The following CADPS variants were observed in gnomAD, a reference collection of about 807,000 sequenced individuals.
The protein encoded by CADPS is calcium dependent secretion activator, also known as calcium-dependent secretion activator 1.
CADPS carries 57 observed loss-of-function variants against 167.3 expected under a neutral mutation model. That is an observed-to-expected ratio of 0.34 (90% confidence interval 0.28 to 0.42). CADPS has a LOEUF of 0.42. Ranked by LOEUF, CADPS falls within the 20% of genes least tolerant of loss-of-function variation. The probability of loss-of-function intolerance (pLI) is 1.00; values close to 1 mark genes in which losing one functional copy is unlikely to be tolerated. For missense variants in CADPS, 1,414 were observed against 1,738.1 expected, an observed-to-expected ratio of 0.81 and a Z score of 3.32; for synonymous variants, 676 against 635.3, an observed-to-expected ratio of 1.06 and a Z score of -0.96.
intron 17 of CADPS, 33 bp from the exon 18 acceptor site, chr3:62,499,301 G>C: frequency 7.2e-7 from 1 of 1,394,266 alleles, no homozygotes; most frequent in East Asian, 2.3e-5. Context: ...AAAATTCAGC[G>C]AAAGTGGCAG....
At chr3:62,641,111 T>C (rs2067320877) in intron 6 of CADPS, among the ~76,000 whole-genome samples, 1 of 152,216 alleles carries the variant, frequency 6.6e-6, no homozygotes, top group Admixed American at 6.5e-5. Flanking sequence ...AATGTATTTC[T>C]TTAAAAAGGA....
At chr3:62,849,956 C>T (rs1172143070) in intron 1 of CADPS, among the ~76,000 whole-genome samples, 1 of 121,052 alleles carries the variant, frequency 8.3e-6, no homozygotes, top group Non-Finnish European at 1.8e-5. Flanking sequence ...AATTTCAGCT[C>T]CTGTTATTGG....
chr3:62,797,538 A>G (rs1008890271), intron 1 of CADPS, among the ~76,000 whole-genome samples: 1 of 152,202 alleles, frequency 6.6e-6, no homozygotes, highest in African/African-American at 2.4e-5. Flanking sequence ...GCTGGAGGCC[A>G]TTAGCCTTAG....
In CADPS at chr3:62,583,155, G is replaced by GTCTCTCTCTCTC. The variant is rs61474581; in HGVS notation, c.1577+2018_1577+2029dup. Among the ~76,000 whole-genome samples the GTCTCTCTCTCTC allele has an allele frequency of 8.3e-3, 1,228 of 147,262 alleles. 18 individuals are homozygous for GTCTCTCTCTCTC. Among genetic ancestry groups the GTCTCTCTCTCTC allele is most frequent in the South Asian group, 0.028 (128 of 4,546 alleles). On this transcript the variant is annotated intron_variant, in intron 8 of 29. Transcript: ENST00000383710. The stretch of plus-strand genomic sequence containing the variant: ...CTCTTTGATCTGCCCTACCCTCTTT[G>GTCTCTCTCTCTC]TCTCTCTCTCTCTCTCTCTCTCTCT...
intron 3 of CADPS, among the ~76,000 whole-genome samples, chr3:62,715,016 G>A (rs2084166496): frequency 6.6e-6 from 1 of 152,110 alleles, no homozygotes; most frequent in Non-Finnish European, 1.5e-5. Flanking sequence ...ATTTGTTATA[G>A]GCATCATAAC....
intron 1 of CADPS, among the ~76,000 whole-genome samples, chr3:62,819,292 C>A (rs1000675129): frequency 1.3e-5 from 2 of 152,032 alleles, no homozygotes; most frequent in Admixed American, 6.6e-5. Context: ...ATTAAAAAAA[C>A]ACTGCAAAAT....
Position 62,412,268 on chromosome 3 carries a change from C to T in CADPS, c.3778-9083G>A, listed in dbSNP as rs17066381. Among the ~76,000 whole-genome samples the T allele has an allele frequency of 0.031, 4,662 of 151,364 alleles. 103 individuals are homozygous for T. The highest frequency in any genetic ancestry group is 0.051 in the Middle Eastern group (15 of 292). The stretch of plus-strand genomic sequence containing the variant: ...GGATGGCCGGGTCCTAAAGTTTGGA[C>T]GGCAGCTCCCTGAGGACTCACTGAC... On this transcript the variant is annotated intron_variant, in intron 28 of 29. Transcript: ENST00000383710. The surrounding 1 kb of genome is among the most constrained non-coding windows in gnomAD (Gnocchi z 4.1).
chr3:62,716,513 G>C (rs915815993), intron 3 of CADPS, among the ~76,000 whole-genome samples: 4 of 152,204 alleles, frequency 2.6e-5, no homozygotes, highest in African/African-American at 9.7e-5. Flanking sequence ...CATATCATTT[G>C]CTTGCTACAT....
rs1271774280 is a variant in CADPS, at chr3:62,512,743, T to G, written c.2599+8A>C. Reference sequence around the variant, plus strand: ...TGATAATTTATAATGCATATACAATTGGTTCACCTGCATCCTTTTGATTCT... The same window carrying G: ...TGATAATTTATAATGCATATACAATGGGTTCACCTGCATCCTTTTGATTCT... On this transcript the variant is annotated splice_region_variant and intron_variant, in intron 17 of 29. Coordinates refer to ENST00000383710, the MANE Select transcript of CADPS (RefSeq NM_003716.4). 1 of 1,603,736 alleles carries G rather than the reference T, an allele frequency of 6.2e-7. No individual in the cohort carries two copies. Among genetic ancestry groups the G allele is most frequent in the Admixed American group, 1.7e-5 (1 of 59,496 alleles).
intron 1 of CADPS, among the ~76,000 whole-genome samples, chr3:62,784,944 T>C (rs959993705): frequency 6.6e-6 from 1 of 152,176 alleles, no homozygotes; most frequent in Non-Finnish European, 1.5e-5. Context: ...AAAGAGTTAC[T>C]GTTAGGGTTT....
In CADPS at chr3:62,822,292, G is replaced by A. The variant is rs1262153373; in HGVS notation, c.441+52297C>T. 5.3e-5 allele frequency among the ~76,000 whole-genome samples: 8 copies of A among 152,224 alleles called. 2 individuals carry two copies. Among genetic ancestry groups the A allele is most frequent in the Admixed American group, 5.2e-4 (8 of 15,286 alleles). The stretch of plus-strand genomic sequence containing the variant: ...TAATTCTGCCTACCACATCACCCTT[G>A]ATCTTTTTCACCTTCCCTCAAATGC... On this transcript the variant is annotated intron_variant, in intron 1 of 29. Transcript: ENST00000383710.
At chr3:62,439,956 C>T (rs889370880) in intron 27 of CADPS, 5 of 152,218 alleles carry the variant, frequency 3.3e-5, no homozygotes, top group African/African-American at 1.2e-4. Context: ...TGTGGTTCAT[C>T]TTACCCATGT....
rs535505763 is a variant in CADPS at position 62,529,016 on chromosome 3, C to T, written c.2291+3855G>A. ...TCTACTAAAAATACAAAAAAATTAG[C>T]GGGGCGTGGTGGCAGTCACCTGTAA... On this transcript the variant is annotated intron_variant, in intron 13 of 29. Coordinates refer to ENST00000383710, the MANE Select transcript of CADPS (RefSeq NM_003716.4). Among the ~76,000 whole-genome samples the T allele has an allele frequency of 4.9e-4, 74 of 152,024 alleles. 1 individual carries two copies. The highest frequency in any genetic ancestry group is 6.8e-4 in the Non-Finnish European group (46 of 67,984).
At chr3:62,435,112 C>A (rs1357365933) in intron 28 of CADPS, among the ~76,000 whole-genome samples, 1 of 152,148 alleles carries the variant, frequency 6.6e-6, no homozygotes, top group African/African-American at 2.4e-5. Flanking sequence ...TATCAAAATG[C>A]AACGATTTGG....
chr3:62,818,486 A>G (rs867516093), intron 1 of CADPS, among the ~76,000 whole-genome samples: 50 of 152,342 alleles, frequency 3.3e-4, no homozygotes, highest in African/African-American at 1.2e-3. Context: ...TGAAACTACC[A>G]TAAGATACCA....
chr3:62,435,756 A>T (rs1423198072), intron 28 of CADPS, among the ~76,000 whole-genome samples: 1 of 152,042 alleles, frequency 6.6e-6, no homozygotes, highest in Non-Finnish European at 1.5e-5. Context: ...AGGAGGGTAT[A>T]ACTAAGACTC....
At chr3:62,803,009 A>G (rs1053245884) in intron 1 of CADPS, among the ~76,000 whole-genome samples, 3 of 152,128 alleles carry the variant, frequency 2.0e-5, no homozygotes, top group Non-Finnish European at 4.4e-5. Flanking sequence ...GATGAGCAAG[A>G]AGAACACTTA....
intron 28 of CADPS, among the ~76,000 whole-genome samples, chr3:62,434,765 C>G (rs2054641776): frequency 6.6e-6 from 1 of 152,102 alleles, no homozygotes. Context: ...GTTAAATGAC[C>G]AGCTATTAAT....
intron 26 of CADPS, among the ~76,000 whole-genome samples, chr3:62,450,961 C>A (rs372696697): frequency 3.6e-4 from 55 of 152,208 alleles, no homozygotes; most frequent in African/African-American, 1.3e-3. Context: ...CCCTAAGCTG[C>A]CTATCATCCT....
Sources: allele counts gnomAD v4.1 joint callset (sites outside exome capture counted in the v4.1 genomes callset), GRCh38; gene constraint gnomAD v4.1.1; non-coding constraint Gnocchi (gnomAD v3.1); transcripts MANE v1.5; gene names NCBI Gene and HGNC (gene_info 2026-07-23, HGNC 2026-07-21).